The following MTUS2 variants were observed in gnomAD, a reference collection of about 807,000 sequenced individuals.
The protein encoded by MTUS2 is microtubule associated scaffold protein 2.
MTUS2 carries 40 observed loss-of-function variants against 114.1 expected under a neutral mutation model. The ratio of observed to expected loss-of-function variants is 0.35; its 90% CI spans 0.27 to 0.46. The LOEUF is 0.46. MTUS2 is among the 20% of genes least tolerant of loss of function. The pLI, the probability that MTUS2 is intolerant of heterozygous loss-of-function variation, is 1.00. For synonymous variants in MTUS2, 688 were observed against 672.0 expected, an observed-to-expected ratio of 1.02 and a Z score of -0.37; for missense variants, 1,679 against 1,705.4, an observed-to-expected ratio of 0.98 and a Z score of 0.27.
At chr13:29,022,284 A>G (rs965175993) in intron 2 of MTUS2, among the ~76,000 whole-genome samples, 1 of 152,228 alleles carries the variant, frequency 6.6e-6, no homozygotes, top group African/African-American at 2.4e-5. Context: ...AGAGGGCTTC[A>G]GTGAGGAGGA....
At chr13:29,269,986 A>C (rs913294505) in intron 5 of MTUS2, among the ~76,000 whole-genome samples, 10 of 152,118 alleles carry the variant, frequency 6.6e-5, no homozygotes, top group African/African-American at 2.4e-4. Context: ...TCTCAACTAC[A>C]TGGGGTATCT....
At chr13:28,952,057 A>T (rs534458447) in intron 2 of MTUS2, among the ~76,000 whole-genome samples, 5 of 152,274 alleles carry the variant, frequency 3.3e-5, no homozygotes, top group Admixed American at 2.0e-4. Flanking sequence ...TTTGAAAAAA[A>T]ATTCATGATG....
intron 5 of MTUS2, among the ~76,000 whole-genome samples, chr13:29,256,947 T>C (rs1219486158): frequency 6.6e-6 from 1 of 152,248 alleles, no homozygotes; most frequent in Admixed American, 6.5e-5. Context: ...TACTTCCTCC[T>C]GGAGGTTGCC....
chr13:29,322,733 A>C (rs1900306285), intron 6 of MTUS2, among the ~76,000 whole-genome samples: 1 of 152,156 alleles, frequency 6.6e-6, no homozygotes, highest in Non-Finnish European at 1.5e-5. Flanking sequence ...AGCCATGCTT[A>C]AGGGCTAGAG....
chr13:29,384,223 A>C (rs1193419418), intron 8 of MTUS2, among the ~76,000 whole-genome samples: 1 of 152,272 alleles, frequency 6.6e-6, no homozygotes, highest in Non-Finnish European at 1.5e-5. Context: ...TTCGTAGTGC[A>C]ACAAAGTAAT....
At chr13:29,298,201 G>A (rs1188573019) in intron 6 of MTUS2, among the ~76,000 whole-genome samples, 4 of 152,116 alleles carry the variant, frequency 2.6e-5, no homozygotes, top group East Asian at 1.9e-4. Flanking sequence ...GATATGATGC[G>A]TTGTAGAAAA....
At chr13:29,143,050 G>A (rs549700952) in intron 5 of MTUS2, among the ~76,000 whole-genome samples, 1 of 152,320 alleles carries the variant, frequency 6.6e-6, no homozygotes, top group African/African-American at 2.4e-5. Flanking sequence ...CTTTAACAAA[G>A]CCAACATGTT....
Position 29,480,669 on chromosome 13 carries a change from G to C in MTUS2, c.3399+305G>C, listed in dbSNP as rs1245694586. 6.6e-6 allele frequency among the ~76,000 whole-genome samples: 1 copy of C among 151,942 alleles called. No homozygotes were observed. The highest frequency in any genetic ancestry group is 1.5e-5 in the Non-Finnish European group (1 of 67,996). On this transcript the variant is annotated intron_variant, in intron 10 of 15. Transcript: ENST00000612955. The surrounding 1 kb of genome is among the most constrained non-coding windows in gnomAD (Gnocchi z 4.4). Reference sequence around the variant, plus strand: ...TTTTCTCTGTCACCTTGCTCAGTGAGACCTTTATCCAAAATTATTATTCCT... The same window carrying C: ...TTTTCTCTGTCACCTTGCTCAGTGACACCTTTATCCAAAATTATTATTCCT...
intron 5 of MTUS2, among the ~76,000 whole-genome samples, chr13:29,180,049 T>A (rs962480848): frequency 6.6e-6 from 1 of 152,244 alleles, no homozygotes; most frequent in African/African-American, 2.4e-5. Context: ...AACTACTTTG[T>A]CTTTGGCTGG....
chr13:29,120,585 A>G (rs1891267620), intron 5 of MTUS2, among the ~76,000 whole-genome samples: 1 of 152,168 alleles, frequency 6.6e-6, no homozygotes, highest in Non-Finnish European at 1.5e-5. Context: ...AGAAAAGAAA[A>G]AAGAATTTTT....
intron 4 of MTUS2, among the ~76,000 whole-genome samples, chr13:29,053,826 TG>T (rs1458243947): frequency 2.0e-5 from 3 of 152,192 alleles, no homozygotes; most frequent in Non-Finnish European, 4.4e-5. Context: ...GATAGACATT[TG>T]GGTTATTTTC....
intron 2 of MTUS2, among the ~76,000 whole-genome samples, chr13:28,919,559 T>C (rs1451766579): frequency 1.3e-5 from 2 of 152,168 alleles, no homozygotes; most frequent in Non-Finnish European, 2.9e-5. Context: ...CCTCTTTGGA[T>C]TAAATCTGCT....
intron 4 of MTUS2, among the ~76,000 whole-genome samples, chr13:29,035,646 C>T (rs7325216): frequency 0.028 from 4,231 of 152,226 alleles, 172 homozygotes; most frequent in African/African-American, 0.094. Flanking sequence ...GAGATATTCC[C>T]TTGCTCCTCA....
At chr13:29,466,591 A>G (rs1482001284) in intron 9 of MTUS2, among the ~76,000 whole-genome samples, 6 of 152,218 alleles carry the variant, frequency 3.9e-5, no homozygotes, top group Non-Finnish European at 7.3e-5. Context: ...AAAGACAATC[A>G]TACGGCCAGG....
At chr13:28,960,673 T>C (rs1221664084) in intron 2 of MTUS2, among the ~76,000 whole-genome samples, 1 of 151,820 alleles carries the variant, frequency 6.6e-6, no homozygotes, top group Non-Finnish European at 1.5e-5. Context: ...AGACAGAAAA[T>C]AGATTAGTGG....
chr13:29,451,595 T>C (rs1878685298), intron 9 of MTUS2, among the ~76,000 whole-genome samples: 1 of 152,092 alleles, frequency 6.6e-6, no homozygotes, highest in Non-Finnish European at 1.5e-5. Flanking sequence ...CAATTTTTTT[T>C]TTTTTTGAGA....
chr13:29,247,431 CT>C (rs1482389460), intron 5 of MTUS2, among the ~76,000 whole-genome samples: 3 of 152,162 alleles, frequency 2.0e-5, no homozygotes, highest in African/African-American at 7.2e-5. Flanking sequence ...TAAAAAGCTT[CT>C]GCTCAGCAAA....
At chr13:29,494,161 A>G (rs1158981313) in intron 12 of MTUS2, among the ~76,000 whole-genome samples, 1 of 152,252 alleles carries the variant, frequency 6.6e-6, no homozygotes, top group African/African-American at 2.4e-5. Context: ...TCAAGGTGTG[A>G]ACAGATTAAG....
chr13:28,964,748 G>GTTTTTTTTTTTTTTTTTTTTTTTTTTTTT (rs374400202), intron 2 of MTUS2, among the ~76,000 whole-genome samples: 1 of 139,992 alleles, frequency 7.1e-6, no homozygotes, highest in African/African-American at 2.5e-5. Flanking sequence ...GCTTTTTTGT[G>GTTTTTTTTTTTTTTTTTTTTTTTTTTTTT]TTTTTAATGC....
Sources: gnomAD v4.1 joint callset for allele counts (sites outside exome capture counted in the v4.1 genomes callset) on GRCh38, gnomAD v4.1.1 for gene constraint, Gnocchi (gnomAD v3.1) non-coding constraint, MANE v1.5 for transcripts, NCBI Gene and HGNC (gene_info 2026-07-23, HGNC 2026-07-21) for gene names.